The following TM4SF20 variants were observed in gnomAD, a reference collection of about 807,000 sequenced individuals.
The protein encoded by TM4SF20 is transmembrane 4 L6 family member 20.
In TM4SF20, 13 loss-of-function variants were observed where a neutral mutation model predicts 15.1. The observed-to-expected ratio is 0.86, with a 90% CI of 0.56 to 1.36. The LOEUF is 1.36. TM4SF20 is among the 40% of genes most tolerant of loss of function. The pLI is 0.00. For missense variants in TM4SF20, 282 were observed against 268.4 expected (o/e 1.05, Z -0.35); for synonymous variants, 92 against 96.6 (o/e 0.95, Z 0.28).
intron 1 of TM4SF20, among the ~76,000 whole-genome samples, chr2:227,373,409 A>G (rs535231955): frequency 6.6e-6 from 1 of 152,344 alleles, no homozygotes; most frequent in Non-Finnish European, 1.5e-5. Flanking sequence ...AAGGGAAAAG[A>G]AATTTTAGCT....
chr2:227,370,813 C>G, intron 2 of TM4SF20, 102 bp downstream of exon 2: 1 of 901,894 alleles, frequency 1.1e-6, no homozygotes. Flanking sequence ...TCAGTGGAGC[C>G]CCACTGTGAT....
At chr2:227,369,857 G>T (rs1033414646) in intron 2 of TM4SF20, among the ~76,000 whole-genome samples, 1 of 152,148 alleles carries the variant, frequency 6.6e-6, no homozygotes, top group Non-Finnish European at 1.5e-5. Flanking sequence ...CCATGTTCAT[G>T]GTATAAAGAT....
At chr2:227,370,707 G>A (rs949269650) in intron 2 of TM4SF20, among the ~76,000 whole-genome samples, 4 of 152,048 alleles carry the variant, frequency 2.6e-5, no homozygotes, top group African/African-American at 4.8e-5. Context: ...TCAGTGAACC[G>A]AGATCGCACC....
intron 3 of TM4SF20, 91 bp downstream of exon 3, chr2:227,366,002 A>G: frequency 7.5e-7 from 1 of 1,335,646 alleles, no homozygotes; most frequent in Non-Finnish European, 1.0e-6. Context: ...TGCATCAAAT[A>G]AAAACATGGC....
intron 1 of TM4SF20, among the ~76,000 whole-genome samples, chr2:227,372,050 T>C (rs1469769216): frequency 6.6e-6 from 1 of 152,196 alleles, no homozygotes; most frequent in Non-Finnish European, 1.5e-5. Context: ...GGGTGGAATG[T>C]AATTATTTCC....
Position 227,371,000 on chromosome 2 carries a change from G to C in TM4SF20, c.184-20C>G, listed in dbSNP as rs759482449. On this transcript the variant is annotated intron_variant, in intron 1 of 3. Transcript: ENST00000304568. ...AATGGCCTGGAAATGACATCAACAG[G>C]AAAGATGAGTATTATAACTTCTCAT... 1.1e-5 allele frequency: 17 copies of C among 1,604,736 alleles called. No homozygotes were observed. In the South Asian group the frequency reaches 1.8e-4, roughly 17 times the overall value.
chr2:227,381,008 C>G (rs144154715), upstream of TM4SF20, among the ~76,000 whole-genome samples: 1,048 of 152,278 alleles, frequency 6.9e-3, 7 homozygotes, highest in African/African-American at 0.024. Context: ...GGCATGGTGG[C>G]TCACCCCTGT....
intron 1 of TM4SF20, 126 bp downstream of exon 1, chr2:227,378,960 A>G: frequency 4.7e-6 from 4 of 850,374 alleles, no homozygotes; most frequent in Non-Finnish European, 7.3e-6. Flanking sequence ...AATTAATGCC[A>G]TACTACTGCT....
chr2:227,364,478 AAT>A (rs1270489717), intron 3 of TM4SF20, among the ~76,000 whole-genome samples: 1 of 151,280 alleles, frequency 6.6e-6, no homozygotes, highest in African/African-American at 2.4e-5. Context: ...TTACTGATTA[AAT>A]ATGTCTGATT....
chr2:227,381,361 C>T (rs183980460), upstream of TM4SF20, among the ~76,000 whole-genome samples: 497 of 151,884 alleles, frequency 3.3e-3, 3 homozygotes, highest in Middle Eastern at 0.017. Context: ...GGTTGAGAGA[C>T]AGGAGACACT....
At chr2:227,368,335 T>TTTTA (rs1553786652) in intron 2 of TM4SF20, among the ~76,000 whole-genome samples, 15 of 122,734 alleles carry the variant, frequency 1.2e-4, no homozygotes, top group South Asian at 2.6e-4. Flanking sequence ...CATCTATTAT[T>TTTTA]TATATATATA....
At chr2:227,371,009 G>A in intron 1 of TM4SF20, 29 bp from the exon 2 acceptor site, 2 of 1,582,542 alleles carry the variant, frequency 1.3e-6, no homozygotes, top group Non-Finnish European at 1.7e-6. Context: ...GGAAAGATGA[G>A]TATTATAACT....
At chr2:227,374,867 G>T (rs1237835994) in intron 1 of TM4SF20, among the ~76,000 whole-genome samples, 1 of 150,740 alleles carries the variant, frequency 6.6e-6, no homozygotes. Context: ...AAGACAGGAG[G>T]CTTGCTTGAA....
chr2:227,366,578 A>G (rs2076394048), intron 2 of TM4SF20, among the ~76,000 whole-genome samples: 1 of 151,666 alleles, frequency 6.6e-6, no homozygotes, highest in East Asian at 1.9e-4. Flanking sequence ...AAATACAAAA[A>G]CTTAGCCAGG....
rs370110647 is a variant in TM4SF20, at chr2:227,363,883, G to A, written c.531C>T (p.Phe177=). The A allele has an allele frequency of 2.5e-6, 4 of 1,613,958 alleles. No individual in the cohort carries two copies. Among genetic ancestry groups the A allele is most frequent in the South Asian group, 1.1e-5 (1 of 91,078 alleles). Residue 177 remains phenylalanine (F), a synonymous_variant, in exon 4 of 4, where the codon TTC becomes TTT. Transcript: ENST00000304568. ...GCCTATGTTTGTTTTCTTCAGAATCGAAGTGGAAACTAGATGCTCTCCAGC... is the reference window on the plus strand; with the variant it reads ...GCCTATGTTTGTTTTCTTCAGAATCAAAGTGGAAACTAGATGCTCTCCAGC... ...ASGWRASSFH[F]DSEENKHRLI... is the part of the protein sequence containing the mutation.
chr2:227,374,558 T>G (rs1418737007), intron 1 of TM4SF20, among the ~76,000 whole-genome samples: 1 of 152,208 alleles, frequency 6.6e-6, no homozygotes, highest in East Asian at 1.9e-4. Context: ...CCTGAGTTTT[T>G]GTAAAATTAA....
In TM4SF20 at chr2:227,379,161, C is replaced by T. The variant is rs777274529; in HGVS notation, c.108G>A (p.Glu36=). 14 of 1,614,058 alleles carry T rather than the reference C, an allele frequency of 8.7e-6. No homozygotes were observed. The Admixed American group carries it at 1.0e-4, about 12-fold the overall frequency. Residue 36 remains glutamate (E), a synonymous_variant, in exon 1 of 4, where the codon GAG becomes GAA. Coordinates refer to ENST00000304568, the MANE Select transcript of TM4SF20 (RefSeq NM_024795.4). ...TGGGGTTTTGAGAAAATTGGTCTTC[C>T]TCAACTAAGCTGACAATTAGAGGTA... is the stretch of plus-strand genomic sequence containing the variant. ...NAIPLIVSLV[E]EDQFSQNPIS... is the part of the protein sequence containing the mutation.
chr2:227,372,508 G>A (rs776040237), intron 1 of TM4SF20, among the ~76,000 whole-genome samples: 21 of 152,104 alleles, frequency 1.4e-4, no homozygotes, highest in Non-Finnish European at 1.2e-4. Flanking sequence ...GCTGGGCGAG[G>A]TGGTGCACAC....
rs752719190 is a variant in TM4SF20, at chr2:227,366,199, G to A, written c.295C>T (p.Leu99=). The A allele has an allele frequency of 6.2e-7, 1 of 1,613,758 alleles. No homozygotes were observed. Among genetic ancestry groups the A allele is most frequent in the Non-Finnish European group, 8.5e-7 (1 of 1,179,890 alleles). The change falls in exon 3 of 4, where the codon CTG becomes TTG. Residue 99 remains leucine, a synonymous_variant. Coordinates refer to ENST00000304568, the MANE Select transcript of TM4SF20 (RefSeq NM_024795.4). ...LFSVITVIGA[L]YCMLISIQAL... ...TGGATGGATATCAGCATGCAATACA[G>A]AGCACCAATGACTGTGATCACACTG...
Sources: gnomAD v4.1 joint callset for allele counts (sites outside exome capture counted in the v4.1 genomes callset) on GRCh38, gnomAD v4.1.1 for gene constraint, MANE v1.5 for transcripts, NCBI Gene and HGNC (gene_info 2026-07-23, HGNC 2026-07-21) for gene names.